The following PCNX2 variants were observed in gnomAD, a reference collection of about 807,000 sequenced individuals.
PCNX2 encodes the protein pecanex 2.
In PCNX2, 168 loss-of-function variants were observed where a neutral mutation model predicts 223.8. The ratio of observed to expected loss-of-function variants is 0.75; its 90% CI spans 0.66 to 0.85. The LOEUF is 0.85. Ranked by LOEUF, PCNX2 falls within the 40% of genes least tolerant of loss-of-function variation. The pLI is 0.00. For synonymous variants in PCNX2, 1,006 were observed against 1,052.6 expected (o/e 0.96, Z 0.86); for missense variants, 2,507 against 2,675.5 (o/e 0.94, Z 1.39).
At position 233,206,748 on chromosome 1, in the gene PCNX2, G is replaced by A. The variant is rs945567879; in HGVS notation, c.2863+1770C>T. Among the ~76,000 whole-genome samples, 7 of 152,114 alleles carry A rather than the reference G, an allele frequency of 4.6e-5. No individual in the cohort carries two copies. The East Asian group carries it at 7.7e-4, about 17-fold the overall frequency. On this transcript the variant is annotated intron_variant, in intron 13 of 33. Transcript: ENST00000258229. Reference sequence around the variant, plus strand: ...TTAAGAAGCTATTCTGGCCAGGCACGGTGGCTCACGCCTGTAATCCCAGCA... The same window carrying A: ...TTAAGAAGCTATTCTGGCCAGGCACAGTGGCTCACGCCTGTAATCCCAGCA...
At chr1:233,034,472 T>C (rs1044314043) in intron 25 of PCNX2, among the ~76,000 whole-genome samples, 2 of 152,198 alleles carry the variant, frequency 1.3e-5, no homozygotes, top group South Asian at 2.1e-4. Flanking sequence ...GTTTGTTGTC[T>C]AAGCCGCCCA....
chr1:233,139,836 C>A lies in PCNX2; in HGVS notation c.3537G>T (p.Trp1179Cys). 1 of 1,613,110 alleles carries A rather than the reference C, an allele frequency of 6.2e-7. No homozygotes were observed. Among genetic ancestry groups the A allele is most frequent in the Non-Finnish European group, 8.5e-7 (1 of 1,179,652 alleles). The change falls in exon 20 of 34, where the codon TGG (tryptophan) becomes TGT (cysteine). Residue 1179 changes from tryptophan (W) to cysteine (C), a missense_variant. Physicochemically the swap from Trp to Cys is radical, Grantham distance 215. This residue lies in a region of PCNX2 where 1,372 missense variants were observed against 1,509.4 expected (regional missense o/e 0.91). Coordinates refer to ENST00000258229, the MANE Select transcript of PCNX2 (RefSeq NM_014801.4). This position sits in a 1 kb window ranked among gnomAD's most constrained non-coding sequence, Gnocchi z 4.4. ...REVRDVAHLM[W>C]FERLYVWLQC... The stretch of plus-strand genomic sequence containing the variant: ...GAAGCCAAACATAGAGTCTTTCGAA[C>A]CACATTAAATGGGCAACATCTGAAA...
At chr1:233,154,704 T>A (rs1005766262) in intron 19 of PCNX2, among the ~76,000 whole-genome samples, 5 of 152,224 alleles carry the variant, frequency 3.3e-5, no homozygotes, top group African/African-American at 1.2e-4. Flanking sequence ...CAATGATACA[T>A]GAAATTAATT....
At chr1:233,155,299 G>A (rs956183051) in intron 19 of PCNX2, among the ~76,000 whole-genome samples, 1 of 152,106 alleles carries the variant, frequency 6.6e-6, no homozygotes, top group Admixed American at 6.5e-5. Flanking sequence ...TAGTGTCACG[G>A]CCCACATTAC....
chr1:233,057,565 T>C, intron 23 of PCNX2: 1 of 343,714 alleles, frequency 2.9e-6, no homozygotes, highest in Non-Finnish European at 5.4e-6. Flanking sequence ...GCACCAGATC[T>C]GCAAAATCAA....
chr1:233,212,482 T>C (rs919426256), intron 12 of PCNX2, among the ~76,000 whole-genome samples: 1 of 152,174 alleles, frequency 6.6e-6, no homozygotes, highest in Non-Finnish European at 1.5e-5. Context: ...TACAGAACAA[T>C]TTATGTTAGG....
chr1:233,179,022 G>A, intron 16 of PCNX2, 44 bp downstream of exon 16: 1 of 1,547,232 alleles, frequency 6.5e-7, no homozygotes, highest in Non-Finnish European at 8.9e-7. Flanking sequence ...CAGGAACTAT[G>A]CCCCCAGCTC....
Position 233,200,188 on chromosome 1 carries a change from C to T in PCNX2, c.2940G>A (p.Leu980=), listed in dbSNP as rs768519130. 2 of 1,594,232 alleles carry T rather than the reference C, an allele frequency of 1.3e-6. No homozygotes were observed. Among genetic ancestry groups the T allele is most frequent in the South Asian group, 2.3e-5 (2 of 87,230 alleles). The part of the protein sequence containing the change: ...PQINTFCTYL[L]EQIDMLFFGG... The stretch of plus-strand genomic sequence containing the variant: ...CAAAAAACAGCATGTCAATTTGCTC[C>T]AAAAGATAAGTGCAGAAAGTGTTGA... The change falls in exon 14 of 34, where the codon TTG becomes TTA. Residue 980 remains leucine (L), a synonymous_variant. Transcript: ENST00000258229.
intron 10 of PCNX2, among the ~76,000 whole-genome samples, chr1:233,220,192 T>C (rs1657281219): frequency 6.6e-6 from 1 of 152,254 alleles, no homozygotes; most frequent in Non-Finnish European, 1.5e-5. Context: ...TTTTGATGGA[T>C]ATCTTGATTG....
At position 233,025,292 on chromosome 1, in the gene PCNX2, TGCAGGACA is replaced by T; in HGVS notation, c.4451_4458del (p.Leu1484GlnfsTer38). On this transcript the variant is annotated frameshift_variant, in exon 26 of 34. Transcript: ENST00000258229. LOFTEE classifies it high-confidence loss of function. The stretch of plus-strand genomic sequence containing the variant: ...AGCCAGCGGAGGTGAAAGGCAGCGT[TGCAGGACA>T]GCAGGTGAGGCAAGTGGCCTGGTTT... The T allele has an allele frequency of 6.2e-7, 1 of 1,614,014 alleles. No individual in the cohort carries two copies.
intron 9 of PCNX2, among the ~76,000 whole-genome samples, chr1:233,233,192 C>T (rs1658173323): frequency 6.6e-6 from 1 of 152,176 alleles, no homozygotes; most frequent in East Asian, 1.9e-4. Flanking sequence ...AGAATATACT[C>T]TGTGGGGTTA....
chr1:233,291,701 C>T (rs572709667), intron 1 of PCNX2: 12 of 985,032 alleles, frequency 1.2e-5, no homozygotes, highest in Middle Eastern at 5.2e-4. Flanking sequence ...AGAATCATGC[C>T]CATATGCCCC....
At chr1:233,147,895 T>G (rs1677557234) in intron 19 of PCNX2, among the ~76,000 whole-genome samples, 1 of 152,206 alleles carries the variant, frequency 6.6e-6, no homozygotes, top group Non-Finnish European at 1.5e-5. Flanking sequence ...GTTGGACTTT[T>G]GAAGGGAAAA....
At chr1:233,078,329 C>A (rs1420650668) in intron 23 of PCNX2, among the ~76,000 whole-genome samples, 4 of 152,210 alleles carry the variant, frequency 2.6e-5, no homozygotes, top group Admixed American at 2.0e-4. Flanking sequence ...GGGGATTAAA[C>A]CCTCACTGTC....
chr1:233,025,094 C>G, intron 26 of PCNX2, 52 bp downstream of exon 26: 1 of 1,600,434 alleles, frequency 6.2e-7, no homozygotes, highest in Non-Finnish European at 8.6e-7. Context: ...TTCGGAGCTT[C>G]CTGTGCCATC....
chr1:233,047,831 GGAC>G (rs1671872060), intron 25 of PCNX2, among the ~76,000 whole-genome samples: 1 of 152,032 alleles, frequency 6.6e-6, no homozygotes, highest in Non-Finnish European at 1.5e-5. Context: ...AAGAAATTCT[GGAC>G]TTAAATTTGA....
chr1:232,998,989 A>G, intron 31 of PCNX2, 116 bp downstream of exon 31: 1 of 1,211,284 alleles, frequency 8.3e-7, no homozygotes, highest in Admixed American at 2.8e-5. Flanking sequence ...TAGCAGTTTT[A>G]ATCATATGAG....
At chr1:233,160,088 T>C (rs895406037) in intron 19 of PCNX2, among the ~76,000 whole-genome samples, 195 bp downstream of exon 19, 8 of 152,208 alleles carry the variant, frequency 5.3e-5, no homozygotes, top group Admixed American at 4.6e-4. Flanking sequence ...TGGGAACAAA[T>C]ACCATATACT....
intron 25 of PCNX2, among the ~76,000 whole-genome samples, chr1:233,033,375 A>G (rs1248154778): frequency 1.3e-5 from 2 of 152,246 alleles, no homozygotes; most frequent in Non-Finnish European, 2.9e-5. Flanking sequence ...TCCTAATTGC[A>G]TTCTAGGATA....
Sources: allele counts gnomAD v4.1 joint callset (sites outside exome capture counted in the v4.1 genomes callset), GRCh38; gene constraint gnomAD v4.1.1; regional missense constraint gnomAD v4.1.1; non-coding constraint Gnocchi (gnomAD v3.1); transcripts MANE v1.5; gene names NCBI Gene and HGNC (gene_info 2026-07-23, HGNC 2026-07-21).